The following GALNT11 variants were observed in gnomAD, a reference collection of about 807,000 sequenced individuals.
The protein encoded by GALNT11 is UDP-GalNAc:polypeptide N-acetylgalactosaminyltransferase 11.
Under a neutral mutation model 72.7 loss-of-function variants are expected in GALNT11, and 47 were observed. The ratio of observed to expected loss-of-function variants is 0.65; its 90% CI spans 0.51 to 0.82. The LOEUF is 0.82. Among genes scored for constraint, GALNT11 ranks in the 40% least tolerant of loss-of-function variants. The probability of loss-of-function intolerance (pLI) is 0.00; values close to 1 mark genes in which losing one functional copy is unlikely to be tolerated. For missense variants in GALNT11, 677 were observed against 778.4 expected (o/e 0.87, Z 1.55); for synonymous variants, 270 against 286.6 (o/e 0.94, Z 0.58).
At chr7:152,102,195 T>G (rs188160428) in intron 3 of GALNT11, among the ~76,000 whole-genome samples, 2 of 152,230 alleles carry the variant, frequency 1.3e-5, no homozygotes, top group East Asian at 3.9e-4. Flanking sequence ...TAAAAAGAAC[T>G]CACATTTTTA....
At chr7:152,085,637 T>C (rs2085595440) in intron 1 of GALNT11, among the ~76,000 whole-genome samples, 1 of 152,218 alleles carries the variant, frequency 6.6e-6, no homozygotes, top group Non-Finnish European at 1.5e-5. Context: ...TGGATGTTTT[T>C]AGTTTCTTAA....
In GALNT11 at chr7:152,094,484, A is replaced by G; in HGVS notation, c.257A>G (p.Asp86Gly). The G allele has an allele frequency of 1.2e-6, 2 of 1,612,982 alleles. No individual in the cohort carries two copies. The highest frequency in any genetic ancestry group is 8.5e-7 in the Non-Finnish European group (1 of 1,179,266). The change falls in exon 2 of 12, where the codon GAT (aspartate) becomes GGT (glycine). Residue 86 changes from aspartate (D) to glycine (G), a missense_variant. Physicochemically the swap from Asp to Gly is moderately conservative, Grantham distance 94. Coordinates refer to ENST00000430044, the MANE Select transcript of GALNT11 (RefSeq NM_022087.4). The surrounding 1 kb of genome is among the most constrained non-coding windows in gnomAD (Gnocchi z 4.3). ...GATGTGATAGACAGTCGTGTTGAAG[A>G]TCCAGAAGAAGGCCACTTGAAATTC... Reference protein sequence around the residue: ...IDDVIDSRVEDPEEGHLKFSS... With the variant: ...IDDVIDSRVEGPEEGHLKFSS...
At position 152,117,393 on chromosome 7, in the gene GALNT11, T is replaced by C. The variant is rs765893720; in HGVS notation, c.1452+18T>C. The stretch of plus-strand genomic sequence containing the variant: ...GTGGAAGGGTAAGAAAGCTGTTTTT[T>C]CCAAGTGGCTTATGAAAAGCGTTTG... On this transcript the variant is annotated intron_variant, in intron 9 of 11. Coordinates refer to ENST00000430044, the MANE Select transcript of GALNT11 (RefSeq NM_022087.4). 2.0e-5 allele frequency: 32 copies of C among 1,612,500 alleles called. No individual in the cohort carries two copies. Among genetic ancestry groups the C allele is most frequent in the Non-Finnish European group, 2.6e-5 (31 of 1,179,016 alleles).
chr7:152,025,976 G>T (rs1366608790), intron 1 of GALNT11, 92 bp downstream of exon 1: 3 of 155,220 alleles, frequency 1.9e-5, no homozygotes, highest in Non-Finnish European at 2.9e-5. Context: ...CAGGCTGGGG[G>T]CGGCGGCGGG....
intron 1 of GALNT11, among the ~76,000 whole-genome samples, chr7:152,093,369 T>C (rs376201252): frequency 6.6e-6 from 1 of 152,164 alleles, no homozygotes; most frequent in Non-Finnish European, 1.5e-5. Context: ...GAGTGCACAC[T>C]AGGGCAGGCA....
At chr7:152,045,304 A>G (rs1304071466) in intron 1 of GALNT11, among the ~76,000 whole-genome samples, 2 of 152,312 alleles carry the variant, frequency 1.3e-5, no homozygotes, top group South Asian at 2.1e-4. Flanking sequence ...GCCTCGCAGA[A>G]TGAGTTTGAA....
At chr7:152,074,234 G>A (rs953276508) in intron 1 of GALNT11, 2 of 152,064 alleles carry the variant, frequency 1.3e-5, no homozygotes, top group Non-Finnish European at 2.9e-5. Context: ...ACGTCCTGAG[G>A]CATTTCCCCT....
At chr7:152,034,724 C>T (rs2082474744) in intron 1 of GALNT11, among the ~76,000 whole-genome samples, 1 of 152,166 alleles carries the variant, frequency 6.6e-6, no homozygotes, top group African/African-American at 2.4e-5. Context: ...CGGTCGGTCC[C>T]TGGACCCTGC....
chr7:152,102,962 C>G (rs1587379630), intron 3 of GALNT11, 150 bp from the exon 4 acceptor site: 4 of 665,772 alleles, frequency 6.0e-6, no homozygotes, highest in African/African-American at 4.4e-5. Flanking sequence ...GCCTGGGCAA[C>G]AAGAGCGAGA....
chr7:152,113,207 A>AT, intron 7 of GALNT11, 39 bp from the exon 8 acceptor site: 1 of 1,559,570 alleles, frequency 6.4e-7, no homozygotes, highest in African/African-American at 1.4e-5. Context: ...TCACAACAAC[A>AT]TGAGGCAACT....
chr7:152,103,585 A>G (rs2087204080), intron 4 of GALNT11: 1 of 263,278 alleles, frequency 3.8e-6, no homozygotes, highest in African/African-American at 2.1e-5. Context: ...ACCTTTATCC[A>G]GTTGCTCCAT....
intron 1 of GALNT11, among the ~76,000 whole-genome samples, chr7:152,089,970 C>G (rs910447246): frequency 6.6e-6 from 1 of 152,096 alleles, no homozygotes; most frequent in Non-Finnish European, 1.5e-5. Context: ...CCACATGACT[C>G]CCGAGCAGTA....
intron 6 of GALNT11, among the ~76,000 whole-genome samples, chr7:152,108,809 T>C (rs1268606179): frequency 6.6e-6 from 1 of 152,216 alleles, no homozygotes; most frequent in Non-Finnish European, 1.5e-5. Flanking sequence ...TATTTTTGTT[T>C]TCTTTAAAAA....
chr7:152,113,712 CTTT>C (rs6150397), intron 8 of GALNT11, among the ~76,000 whole-genome samples: 3 of 97,016 alleles, frequency 3.1e-5, no homozygotes, highest in African/African-American at 4.6e-5. Context: ...AGTTGGCTTT[CTTT>C]TTTTTTTTTT....
chr7:152,094,038 C>A lies in GALNT11; in HGVS notation c.-38-152C>A. 1.6e-6 allele frequency: 1 copy of A among 618,948 alleles called. No individual in the cohort carries two copies. Among genetic ancestry groups the A allele is most frequent in the Non-Finnish European group, 2.6e-6 (1 of 383,236 alleles). 38.3% of individuals were successfully genotyped at this position (618,948 alleles called of 1,614,324 possible). On this transcript the variant is annotated intron_variant, in intron 1 of 11. Coordinates refer to ENST00000430044, the MANE Select transcript of GALNT11 (RefSeq NM_022087.4). This position sits in a 1 kb window ranked among gnomAD's most constrained non-coding sequence, Gnocchi z 4.3. Reference sequence around the variant, plus strand: ...TTCATTGTTGAACCCTTTTTAAAAACTCAGTACTATCCATACATCTTCTTG... The same window carrying A: ...TTCATTGTTGAACCCTTTTTAAAAAATCAGTACTATCCATACATCTTCTTG...
At chr7:152,037,238 G>T (rs928192674) in intron 1 of GALNT11, among the ~76,000 whole-genome samples, 3 of 152,184 alleles carry the variant, frequency 2.0e-5, no homozygotes, top group Admixed American at 1.3e-4. Flanking sequence ...TGATTTTTGT[G>T]TATAGTGAGA....
At chr7:152,037,471 A>G (rs561622636) in intron 1 of GALNT11, among the ~76,000 whole-genome samples, 3 of 152,094 alleles carry the variant, frequency 2.0e-5, no homozygotes, top group Non-Finnish European at 4.4e-5. Flanking sequence ...ATAGCTCTTT[A>G]GTATAATTTG....
At chr7:152,116,949 T>G (rs1240060078) in intron 8 of GALNT11, 1 of 678,718 alleles carries the variant, frequency 1.5e-6, no homozygotes, top group African/African-American at 1.8e-5. Flanking sequence ...TCCGTAATTT[T>G]TAAGAACATC....
At chr7:152,096,525 T>C (rs2086383775) in intron 2 of GALNT11, among the ~76,000 whole-genome samples, 1 of 152,096 alleles carries the variant, frequency 6.6e-6, no homozygotes, top group Non-Finnish European at 1.5e-5. Context: ...GCAACCAGCC[T>C]GACCAACGTG....
Sources: allele counts gnomAD v4.1 joint callset (sites outside exome capture counted in the v4.1 genomes callset), GRCh38; gene constraint gnomAD v4.1.1; non-coding constraint Gnocchi (gnomAD v3.1); transcripts MANE v1.5; gene names NCBI Gene and HGNC (gene_info 2026-07-23, HGNC 2026-07-21).